THOC2: variants seen among roughly 807,000 people sequenced by gnomAD.
THOC2 encodes THO complex 2.
A neutral mutation model predicts 128.4 loss-of-function variants in THOC2; 10 were observed. That is an observed-to-expected ratio of 0.08 (90% CI 0.05 to 0.13). The LOEUF (loss-of-function observed/expected upper bound fraction) is 0.13, where lower values mean the gene tolerates loss of function less well. Among genes scored for constraint, THOC2 ranks in the 10% least tolerant of loss-of-function variants. The probability of loss-of-function intolerance (pLI) is 1.00; values close to 1 mark genes in which losing one functional copy is unlikely to be tolerated. For synonymous variants in THOC2, 393 were observed against 396.9 expected, an observed-to-expected ratio of 0.99 and a Z score of 0.12; for missense variants, 535 against 1,155.7, an observed-to-expected ratio of 0.46 and a Z score of 7.79.
At chrX:123,605,489 G>A (rs1312826155) in intron 38 of THOC2, among the ~76,000 whole-genome samples, 1 of 111,053 alleles carries the variant, frequency 9.0e-6, no homozygotes, top group Non-Finnish European at 1.9e-5. Flanking sequence ...ACATTTAATG[G>A]TTACTACATA....
At chrX:123,651,792 T>C (rs754864491) in intron 12 of THOC2, among the ~76,000 whole-genome samples, 2 of 101,125 alleles carry the variant, frequency 2.0e-5, no homozygotes, top group Non-Finnish European at 4.0e-5. Flanking sequence ...AGTTCTGAAA[T>C]TGAGGCAGTA....
At position 123,630,834 on chromosome X, in the gene THOC2, G is replaced by A. The variant is rs149181543; in HGVS notation, c.2481+854C>T. Among the ~76,000 whole-genome samples the A allele has an allele frequency of 5.7e-3, 632 of 111,231 alleles. 4 individuals are homozygous for A. The highest frequency in any genetic ancestry group is 0.023 in the Middle Eastern group (5 of 217). On this transcript the variant is annotated intron_variant, in intron 22 of 38. Coordinates refer to ENST00000245838, the MANE Select transcript of THOC2 (RefSeq NM_001081550.2). ...TCCAGCACAACCACAAGATTGCTGG[G>A]AAACACCTTTTCCAGAGAGTGGCAT...
chrX:123,705,502 G>A (rs2050889975), intron 3 of THOC2, among the ~76,000 whole-genome samples: 1 of 110,943 alleles, frequency 9.0e-6, no homozygotes, highest in Non-Finnish European at 1.9e-5. Context: ...TGAAATATTA[G>A]TTGTTTAAGA....
At chrX:123,673,024 T>C (rs1293648972) in intron 8 of THOC2, among the ~76,000 whole-genome samples, 1 of 112,590 alleles carries the variant, frequency 8.9e-6, no homozygotes, top group Non-Finnish European at 1.9e-5. Context: ...GTCTTCAATG[T>C]AACAATAGTT....
chrX:123,665,613 T>A lies in THOC2; in HGVS notation c.1386+29A>T. 3.8e-6 allele frequency: 4 copies of A among 1,040,183 alleles called. No homozygotes were observed. The South Asian group carries it at 1.1e-4, about 28-fold the overall frequency. 85.7% of individuals were successfully genotyped at this position (1,040,183 alleles called of 1,213,427 possible). On this transcript the variant is annotated intron_variant, in intron 12 of 38. Transcript: ENST00000245838. ...TACTCAGAATATTTTCATTTCAAAA[T>A]TTAGGTTTGTAAGAAAAATCTTACT... is the stretch of plus-strand genomic sequence containing the variant.
chrX:123,656,048 C>A (rs1323965161), intron 12 of THOC2, among the ~76,000 whole-genome samples: 3 of 108,033 alleles, frequency 2.8e-5, no homozygotes, highest in African/African-American at 1.0e-4. Context: ...AATGGCCGGG[C>A]GTGGTGGCTC....
chrX:123,661,492 A>G (rs2048829657), intron 12 of THOC2, among the ~76,000 whole-genome samples: 1 of 111,211 alleles, frequency 9.0e-6, no homozygotes, highest in Non-Finnish European at 1.9e-5. Flanking sequence ...GACAGATAAC[A>G]GAGGCTGGGG....
chrX:123,683,278 A>C (rs770586973), intron 8 of THOC2, among the ~76,000 whole-genome samples: 5 of 110,977 alleles, frequency 4.5e-5, no homozygotes, highest in Non-Finnish European at 9.4e-5. Flanking sequence ...TCATAGAATA[A>C]TACTAGCATT....
chrX:123,690,025 C>CAT (rs2050156351), intron 7 of THOC2, among the ~76,000 whole-genome samples: 1 of 110,074 alleles, frequency 9.1e-6, no homozygotes, highest in African/African-American at 3.3e-5. Flanking sequence ...TACATACATA[C>CAT]ACACACACAC....
chrX:123,729,572 T>C (rs2052141764), intron 1 of THOC2, among the ~76,000 whole-genome samples: 1 of 112,235 alleles, frequency 8.9e-6, no homozygotes, highest in Non-Finnish European at 1.9e-5. Flanking sequence ...ATTAACAACC[T>C]CATGAAATAT....
intron 7 of THOC2, among the ~76,000 whole-genome samples, chrX:123,694,327 G>T (rs1232912731): frequency 9.0e-6 from 1 of 111,584 alleles, no homozygotes; most frequent in Non-Finnish European, 1.9e-5. Flanking sequence ...AGAAAGAACA[G>T]AAAGGGGCTG....
chrX:123,633,514 T>C (rs926525720), intron 20 of THOC2, among the ~76,000 whole-genome samples: 1 of 111,668 alleles, frequency 9.0e-6, no homozygotes, highest in African/African-American at 3.3e-5. Context: ...GCAATTCTCC[T>C]GCCTCAGCCT....
rs375440808 is a variant in THOC2 at position 123,625,342 on chromosome X, C to T, written c.3057+570G>A. ...CTCGATCTCCTGACCTTGTGATCCA[C>T]CCGCCTCGGCCTCCCGAAGTACTGG... On this transcript the variant is annotated intron_variant, in intron 25 of 38. Coordinates refer to ENST00000245838, the MANE Select transcript of THOC2 (RefSeq NM_001081550.2). Among the ~76,000 whole-genome samples the T allele has an allele frequency of 5.4e-5, 6 of 111,570 alleles. No homozygotes were observed. The South Asian group carries it at 1.1e-3, about 21-fold the overall frequency.
chrX:123,616,230 T>G (rs1249184709), intron 33 of THOC2, among the ~76,000 whole-genome samples: 1 of 111,278 alleles, frequency 9.0e-6, no homozygotes, highest in Admixed American at 9.6e-5. Context: ...ATTAACTTCA[T>G]GTCATACATT....
At chrX:123,639,340 C>T (rs1251188876) in intron 16 of THOC2, among the ~76,000 whole-genome samples, 1 of 111,312 alleles carries the variant, frequency 9.0e-6, no homozygotes, top group East Asian at 2.8e-4. Flanking sequence ...TTCCTTTGGG[C>T]GGTATGGACA....
At chrX:123,703,953 C>T (rs867929377) in intron 3 of THOC2, among the ~76,000 whole-genome samples, 8 of 57,539 alleles carry the variant, frequency 1.4e-4, no homozygotes, top group African/African-American at 5.2e-4. Flanking sequence ...TTTTAAAAAA[C>T]AAAAACCCCA....
At chrX:123,651,187 C>T (rs767775870) in intron 12 of THOC2, among the ~76,000 whole-genome samples, 8 of 111,828 alleles carry the variant, frequency 7.2e-5, no homozygotes, top group African/African-American at 2.6e-4. Flanking sequence ...GAACAACTTG[C>T]TCCTGAATGA....
At chrX:123,645,188 G>C in intron 13 of THOC2, 146 bp downstream of exon 13, 2 of 456,657 alleles carry the variant, frequency 4.4e-6, no homozygotes, top group Non-Finnish European at 7.1e-6. Context: ...AGATAACTTT[G>C]CATATGCCGC....
At chrX:123,659,793 C>G (rs1321098024) in intron 12 of THOC2, among the ~76,000 whole-genome samples, 6 of 111,904 alleles carry the variant, frequency 5.4e-5, no homozygotes, top group African/African-American at 1.9e-4. Context: ...TAAAAATATA[C>G]ATAATTTGTA....
Sources: gnomAD v4.1 joint callset for allele counts (sites outside exome capture counted in the v4.1 genomes callset) on GRCh38, gnomAD v4.1.1 for gene constraint, MANE v1.5 for transcripts, NCBI Gene and HGNC (gene_info 2026-07-23, HGNC 2026-07-21) for gene names.